ANKLE2: variants seen among roughly 807,000 people sequenced by gnomAD.
ANKLE2 encodes the protein ankyrin repeat and LEM domain containing 2.
In ANKLE2, 55 loss-of-function variants were observed where a neutral mutation model predicts 84.2. The ratio of observed to expected loss-of-function variants is 0.65; its 90% confidence interval spans 0.53 to 0.82. The LOEUF (loss-of-function observed/expected upper bound fraction) is 0.82. Ranked by LOEUF, ANKLE2 falls within the 40% of genes least tolerant of loss-of-function variation. The pLI is 0.00. For synonymous variants in ANKLE2, 551 were observed against 486.1 expected, an observed-to-expected ratio of 1.13 and a Z score of -1.76; for missense variants, 1,238 against 1,201.9, an observed-to-expected ratio of 1.03 and a Z score of -0.44.
chr12:132,728,122 A>G lies in ANKLE2; in HGVS notation c.2525T>C (p.Leu842Pro). ...SKLDQDVLAA[L>P]ECADVDPHQF... ...ATGGGGGTCGACGTCTGCACATTCA[A>G]GAGCGGCCAAAACATCCTGATCGAG... The change falls in exon 12 of 13, where the codon CTT becomes CCT. Residue 842 changes from leucine to proline, a missense_variant. This residue lies in a region of ANKLE2 where 802 missense variants were observed against 774.5 expected (regional missense o/e 1.04). Coordinates refer to ENST00000357997, the MANE Select transcript of ANKLE2 (RefSeq NM_015114.3). 6.2e-7 allele frequency: 1 copy of G among 1,613,024 alleles called. No homozygotes were observed. The highest frequency in any genetic ancestry group is 8.5e-7 in the Non-Finnish European group (1 of 1,179,946).
chr12:132,747,907 A>G lies in ANKLE2; in HGVS notation c.1155T>C (p.Pro385=). Reference sequence around the variant, plus strand: ...TCTGCAGCATGGCCTCGTCGTCATCAGGGTACATCAGCCTCATGAAGTCAG... The same window carrying G: ...TCTGCAGCATGGCCTCGTCGTCATCGGGGTACATCAGCCTCATGAAGTCAG... ...ENPDFMRLMY[P]DDDEAMLQKR... The change falls in exon 5 of 13, where the codon CCT becomes CCC. Residue 385 remains proline, a synonymous_variant. Coordinates refer to ENST00000357997, the MANE Select transcript of ANKLE2 (RefSeq NM_015114.3). 1 of 1,608,066 alleles carries G rather than the reference A, an allele frequency of 6.2e-7. No homozygotes were observed. Among genetic ancestry groups the G allele is most frequent in the East Asian group, 2.2e-5 (1 of 44,844 alleles).
intron 6 of ANKLE2, among the ~76,000 whole-genome samples, chr12:132,742,795 C>CTACCATCACCCTCACCATCACCACCTT (rs2044157662): frequency 7.8e-6 from 1 of 128,016 alleles, no homozygotes; most frequent in African/African-American, 2.9e-5. Context: ...ACCATCATCA[C>CTACCATCACCCTCACCATCACCACCTT]CATCACCATC....
intron 6 of ANKLE2, chr12:132,741,709 T>A: frequency 1.5e-6 from 1 of 656,754 alleles, no homozygotes; most frequent in South Asian, 1.5e-5. Context: ...GTAAATTTAC[T>A]TCTTGTTTGC....
chr12:132,730,128 G>A lies in ANKLE2; in HGVS notation c.2034C>T (p.Pro678=). 6.2e-7 allele frequency: 1 copy of A among 1,612,556 alleles called. No homozygotes were observed. The highest frequency in any genetic ancestry group is 8.5e-7 in the Non-Finnish European group (1 of 1,179,758). The part of the protein sequence containing the change: ...AFGHTRCSAF[P]LEQEADLIEA... Reference sequence around the variant, plus strand: ...CTATGAGGTCTGCCTCCTGCTCCAAGGGGAAGGCGCTGCACCTCGTATGTC... The same window carrying A: ...CTATGAGGTCTGCCTCCTGCTCCAAAGGGAAGGCGCTGCACCTCGTATGTC... Residue 678 remains proline (P), a synonymous_variant, in exon 11 of 13, where the codon CCC becomes CCT. Transcript: ENST00000357997.
Position 132,736,875 on chromosome 12 carries a change from G to T in ANKLE2, c.1593+18C>A. The T allele has an allele frequency of 3.2e-6, 5 of 1,584,580 alleles. No homozygotes were observed. The highest frequency in any genetic ancestry group is 4.3e-6 in the Non-Finnish European group (5 of 1,161,152). ...GGACAGCCAGGCACCACTTCCAGAA[G>T]CTTCTACAGCAGCTCACCTTGGCTG... On this transcript the variant is annotated intron_variant, in intron 8 of 12. Transcript: ENST00000357997.
At chr12:132,739,874 A>G (rs2044086314) in intron 7 of ANKLE2, among the ~76,000 whole-genome samples, 1 of 151,402 alleles carries the variant, frequency 6.6e-6, no homozygotes, top group Non-Finnish European at 1.5e-5. Flanking sequence ...GAGGTGTAGG[A>G]GCTCTGGAGG....
chr12:132,733,541 A>C (rs2043939208), intron 10 of ANKLE2, among the ~76,000 whole-genome samples: 1 of 147,868 alleles, frequency 6.8e-6, no homozygotes, highest in African/African-American at 2.5e-5. Context: ...CCTGATATGC[A>C]CCGTGTGAAG....
At chr12:132,731,191 TTATTTAA>T (rs1243964738) in intron 10 of ANKLE2, 1 of 152,216 alleles carries the variant, frequency 6.6e-6, no homozygotes, top group Non-Finnish European at 1.5e-5. Flanking sequence ...TGCCTCAACT[TTATTTAA>T]TATTTACTAA....
intron 7 of ANKLE2, chr12:132,737,959 G>T (rs1315215858): frequency 6.6e-6 from 1 of 152,204 alleles, no homozygotes; most frequent in Non-Finnish European, 1.5e-5. Context: ...TTGCTCTGTT[G>T]CCCAGGCTGG....
intron 10 of ANKLE2, 187 bp from the exon 11 acceptor site, chr12:132,730,457 C>G: frequency 1.7e-6 from 1 of 583,464 alleles, no homozygotes; most frequent in Non-Finnish European, 2.9e-6. Flanking sequence ...AAAACCTCCT[C>G]ATCAGATTTC....
chr12:132,730,511 A>T lies in ANKLE2; in HGVS notation c.1892-241T>A, dbSNP rs531542675. On this transcript the variant is annotated intron_variant, in intron 10 of 12. Transcript: ENST00000357997. The stretch of plus-strand genomic sequence containing the variant: ...CACGACTCCCTGGAAAAGGGCAAAC[A>T]GGACCCTCCAGACACAATCAGGCTG... The T allele has an allele frequency of 7.9e-6, 4 of 504,690 alleles. No homozygotes were observed. In the East Asian group the frequency reaches 1.2e-4, roughly 15 times the overall value. The allele number at this position is 504,690 out of a possible 1,614,324, so 31.3% of individuals were successfully genotyped here.
rs947414447 is a variant in ANKLE2 at position 132,736,952 on chromosome 12, T to C, written c.1534A>G (p.Ser512Gly). 1.4e-5 allele frequency: 22 copies of C among 1,613,884 alleles called. No homozygotes were observed. Among genetic ancestry groups the C allele is most frequent in the Non-Finnish European group, 1.8e-5 (21 of 1,179,854 alleles). The change falls in exon 8 of 13, where the codon AGC becomes GGC. Residue 512 changes from serine to glycine, a missense_variant. This residue lies in a region of ANKLE2 where 802 missense variants were observed against 774.5 expected (regional missense o/e 1.04). Coordinates refer to ENST00000357997, the MANE Select transcript of ANKLE2 (RefSeq NM_015114.3). ...EASHVSRYGG[S>G]PRDPVLTLRA... ...AGGGTCAGTACCGGGTCTCTGGGGC[T>C]GCCTCCATAGCGGCTGACGTGAGAG...
chr12:132,746,953 G>A (rs913926745), intron 5 of ANKLE2, among the ~76,000 whole-genome samples: 1 of 152,214 alleles, frequency 6.6e-6, no homozygotes, highest in Non-Finnish European at 1.5e-5. Context: ...TCCCAGGGGT[G>A]GGAGGGGCTA....
Position 132,743,932 on chromosome 12 carries a change from A to G in ANKLE2, c.1231-656T>C, listed in dbSNP as rs1407847619. On this transcript the variant is annotated intron_variant, in intron 5 of 12. Coordinates refer to ENST00000357997, the MANE Select transcript of ANKLE2 (RefSeq NM_015114.3). This position sits in a 1 kb window ranked among gnomAD's most constrained non-coding sequence, Gnocchi z 4.1. ...AACCAGAATAAAGCAAAGCGCACGA[A>G]TTTGGTCTGTACTCAAAGAAGTCTC... is the stretch of plus-strand genomic sequence containing the variant. 3.9e-5 allele frequency among the ~76,000 whole-genome samples: 6 copies of G among 152,228 alleles called. No individual in the cohort carries two copies. Among genetic ancestry groups the G allele is most frequent in the Admixed American group, 2.6e-4 (4 of 15,280 alleles).
At position 132,729,920 on chromosome 12, in the gene ANKLE2, C is replaced by T. The variant is rs746368812; in HGVS notation, c.2242G>A (p.Val748Ile). 2.6e-5 allele frequency: 42 copies of T among 1,613,564 alleles called. No homozygotes were observed. In the East Asian group the frequency reaches 2.7e-4, roughly 10 times the overall value. ...KLNLQNIGRS[V>I]SKTPDESTKT... is the part of the protein sequence containing the mutation. Reference sequence around the variant, plus strand: ...GTACTTTCATCTGGTGTCTTGGAAACGCTACGTCCTATATTTTGCAAATTC... The same window carrying T: ...GTACTTTCATCTGGTGTCTTGGAAATGCTACGTCCTATATTTTGCAAATTC... Residue 748 changes from valine (V) to isoleucine (I), a missense_variant, in exon 11 of 13, where the codon GTT becomes ATT. Val to Ile is a conservative substitution (Grantham distance 29). Transcript: ENST00000357997.
chr12:132,754,995 G>A lies in ANKLE2; in HGVS notation c.320C>T (p.Ala107Val). Residue 107 changes from alanine to valine, a missense_variant, in exon 2 of 13, where the codon GCT becomes GTT. By Grantham distance (64) the Ala-to-Val change is moderately conservative. This residue lies in a region of ANKLE2 where 422 missense variants were observed against 394.5 expected (regional missense o/e 1.07). Transcript: ENST00000357997. ...TCCTCCTTGCTCCAGTAAAGCCTGA[G>A]CCAATTTTTTCTCAAAAATGAACCT... ...TTRFIFEKKL[A>V]QALLEQGGRL... 1 of 1,614,160 alleles carries A rather than the reference G, an allele frequency of 6.2e-7. No homozygotes were observed. Among genetic ancestry groups the A allele is most frequent in the Non-Finnish European group, 8.5e-7 (1 of 1,180,030 alleles).
Position 132,734,512 on chromosome 12 carries a change from A to G in ANKLE2, c.1764T>C (p.Val588=), listed in dbSNP as rs759689795. The G allele has an allele frequency of 1.1e-5, 18 of 1,613,990 alleles. No individual in the cohort carries two copies. Among genetic ancestry groups the G allele is most frequent in the South Asian group, 1.1e-5 (1 of 91,084 alleles). The stretch of plus-strand genomic sequence containing the variant: ...GCAGGCCTTCCTGGGAAGACAGATC[A>G]ACAAAACAGCCCAGAAATTCCCAGT... ...VEYWEFLGCF[V]DLSSQEGLQR... The change falls in exon 10 of 13, where the codon GTT becomes GTC. Residue 588 remains valine, a synonymous_variant. Coordinates refer to ENST00000357997, the MANE Select transcript of ANKLE2 (RefSeq NM_015114.3).
intron 3 of ANKLE2, among the ~76,000 whole-genome samples, chr12:132,750,273 C>T (rs564084183): frequency 2.0e-5 from 3 of 151,014 alleles, no homozygotes; most frequent in Non-Finnish European, 4.4e-5. Flanking sequence ...TATTTCTCAG[C>T]TACTTGGGAG....
Position 132,737,159 on chromosome 12 carries a change from A to C in ANKLE2, c.1421-94T>G. On this transcript the variant is annotated intron_variant, in intron 7 of 12. Transcript: ENST00000357997. ...ACGGGGATCACGCGAGCCCTTGCCA[A>C]GGCCTCTGCAAATGGATCCAACAGA... is the stretch of plus-strand genomic sequence containing the variant. 2.2e-6 allele frequency: 3 copies of C among 1,377,290 alleles called. No individual in the cohort carries two copies. The South Asian group carries it at 4.3e-5, about 20-fold the overall frequency. 85.3% of individuals were successfully genotyped at this position (1,377,290 alleles called of 1,614,324 possible). A position where few individuals can be genotyped will look rare whatever the true frequency, so the allele number is the denominator to read the frequency against.
Sources: allele counts gnomAD v4.1 joint callset (sites outside exome capture counted in the v4.1 genomes callset), GRCh38; gene constraint gnomAD v4.1.1; regional missense constraint gnomAD v4.1.1; non-coding constraint Gnocchi (gnomAD v3.1); transcripts MANE v1.5; gene names NCBI Gene and HGNC (gene_info 2026-07-23, HGNC 2026-07-21).